The following DMD variants were observed in gnomAD, a reference collection of about 807,000 sequenced individuals.
The protein encoded by DMD is dystrophin, also known as mutant dystrophin.
A neutral mutation model predicts 330.1 loss-of-function variants in DMD; 63 were observed. The observed-to-expected ratio is 0.19, with a 90% CI of 0.16 to 0.24. The LOEUF (loss-of-function observed/expected upper bound fraction) is 0.24. Ranked by LOEUF, DMD falls within the 10% of genes least tolerant of loss-of-function variation. The pLI is 1.00. For synonymous variants in DMD, 1,223 were observed against 959.8 expected, an observed-to-expected ratio of 1.27 and a Z score of -5.07; for missense variants, 3,344 against 2,684.1, an observed-to-expected ratio of 1.25 and a Z score of -5.43.
intron 71 of DMD, among the ~76,000 whole-genome samples, chrX:31,177,222 G>T (rs1324354456): frequency 9.0e-6 from 1 of 111,313 alleles, no homozygotes; most frequent in African/African-American, 3.3e-5. Context: ...TAAATCATCT[G>T]CTGGTATCTA....
intron 2 of DMD, among the ~76,000 whole-genome samples, chrX:32,949,140 A>C (rs971822933): frequency 9.1e-6 from 1 of 110,403 alleles, no homozygotes; most frequent in African/African-American, 3.3e-5. Flanking sequence ...TAATACTAAA[A>C]CTACACCCAT....
In DMD at chrX:31,875,265, G is replaced by T; in HGVS notation, c.7021C>A (p.Leu2341Met). The change falls in exon 48 of 79, where the codon CTG becomes ATG. Residue 2341 changes from leucine (L) to methionine (M), a missense_variant. Transcript: ENST00000357033. ...EDLEEQLNHL[L>M]LWLSPIRNQL... Reference sequence around the variant, plus strand: ...TTCCTAATAGGAGATAACCACAGCAGCAGATGATTTAACTGCTCTTCAAGG... The same window carrying T: ...TTCCTAATAGGAGATAACCACAGCATCAGATGATTTAACTGCTCTTCAAGG... 8.5e-7 allele frequency: 1 copy of T among 1,179,784 alleles called. No homozygotes were observed. Among genetic ancestry groups the T allele is most frequent in the Non-Finnish European group, 1.1e-6 (1 of 875,031 alleles).
At chrX:31,658,252 A>T in intron 53 of DMD, 108 bp from the exon 54 acceptor site, 1 of 873,254 alleles carries the variant, frequency 1.1e-6, no homozygotes, top group African/African-American at 2.0e-5. Flanking sequence ...TCAGGTCAGA[A>T]TACATATATT....
chrX:31,939,926 G>A (rs2094972057), intron 45 of DMD, among the ~76,000 whole-genome samples: 1 of 111,522 alleles, frequency 9.0e-6, no homozygotes, highest in South Asian at 3.7e-4. Context: ...GTCAATCTAT[G>A]AGTAAATGTG....
At chrX:32,644,927 CAT>C (rs760230793) in intron 10 of DMD, 35 bp downstream of exon 10, 2 of 1,186,155 alleles carry the variant, frequency 1.7e-6, no homozygotes, top group Admixed American at 2.2e-5. Context: ...TATAACAAGT[CAT>C]ATGTTTTGTT....
chrX:33,129,764 T>TAA (rs1195406468), intron 1 of DMD, among the ~76,000 whole-genome samples: 1 of 111,354 alleles, frequency 9.0e-6, no homozygotes, highest in Non-Finnish European at 1.9e-5. Context: ...ACAGAAGAAC[T>TAA]AAAGAAACCT....
At chrX:32,833,172 C>G (rs1364180180) in intron 4 of DMD, among the ~76,000 whole-genome samples, 1 of 111,121 alleles carries the variant, frequency 9.0e-6, no homozygotes, top group Non-Finnish European at 1.9e-5. Context: ...GTTAAATTTC[C>G]TCTATATTTC....
At chrX:31,967,152 G>C (rs1266368860) in intron 45 of DMD, among the ~76,000 whole-genome samples, 1 of 110,377 alleles carries the variant, frequency 9.1e-6, no homozygotes, top group Non-Finnish European at 1.9e-5. Context: ...TGGGAAAAAA[G>C]TATATGACTT....
At chrX:32,859,722 C>G (rs2081931696) in intron 2 of DMD, among the ~76,000 whole-genome samples, 1 of 111,229 alleles carries the variant, frequency 9.0e-6, no homozygotes, top group Non-Finnish European at 1.9e-5. Context: ...GTTCTTTTGA[C>G]TATTTTTAAG....
At chrX:32,683,929 G>C (rs1379119676) in intron 9 of DMD, among the ~76,000 whole-genome samples, 2 of 108,359 alleles carry the variant, frequency 1.8e-5, no homozygotes, top group African/African-American at 3.4e-5. Flanking sequence ...AAAATAGTAA[G>C]TTGTTAAATT....
intron 51 of DMD, among the ~76,000 whole-genome samples, chrX:31,735,625 G>A (rs1399187535): frequency 8.9e-6 from 1 of 112,162 alleles, no homozygotes; most frequent in African/African-American, 3.2e-5. Context: ...TTATTTCCAA[G>A]GAGCGCAGAA....
intron 44 of DMD, among the ~76,000 whole-genome samples, chrX:32,172,655 T>A (rs868218961): frequency 8.9e-6 from 1 of 111,771 alleles, no homozygotes; most frequent in African/African-American, 3.3e-5. Context: ...ATTTTAGACT[T>A]ATACTCTATA....
intron 1 of DMD, among the ~76,000 whole-genome samples, chrX:33,169,456 T>C (rs1383789929): frequency 9.0e-6 from 1 of 111,344 alleles, no homozygotes; most frequent in East Asian, 2.8e-4. Context: ...AGACAGATGC[T>C]CCCTTCCAGC....
chrX:32,826,011 C>A (rs1210504063), intron 4 of DMD, among the ~76,000 whole-genome samples: 1 of 110,857 alleles, frequency 9.0e-6, no homozygotes, highest in Non-Finnish European at 1.9e-5. Context: ...AAAAATGATA[C>A]CTCAAACCCT....
chrX:32,353,682 T>G (rs1175938805), intron 37 of DMD, among the ~76,000 whole-genome samples: 1 of 111,296 alleles, frequency 9.0e-6, no homozygotes. Context: ...TTTGGACACT[T>G]TTAATTTTTT....
chrX:32,426,052 C>T (rs2098211554), intron 29 of DMD, among the ~76,000 whole-genome samples: 1 of 111,587 alleles, frequency 9.0e-6, no homozygotes, highest in Admixed American at 9.5e-5. Context: ...GCAATACCAT[C>T]CTGGACATAG....
chrX:31,634,264 C>T (rs763648638), intron 54 of DMD, among the ~76,000 whole-genome samples: 1 of 111,753 alleles, frequency 8.9e-6, no homozygotes, highest in South Asian at 3.7e-4. Flanking sequence ...TGCCGTTCAC[C>T]AACATATGAA....
chrX:31,817,971 C>T (rs766654591), intron 50 of DMD, among the ~76,000 whole-genome samples: 148 of 111,916 alleles, frequency 1.3e-3, no homozygotes, highest in African/African-American at 4.7e-3. Flanking sequence ...AGACAAGCTT[C>T]CCTGACCACA....
At chrX:31,616,197 A>C (rs2078189496) in intron 55 of DMD, among the ~76,000 whole-genome samples, 1 of 111,991 alleles carries the variant, frequency 8.9e-6, no homozygotes, top group African/African-American at 3.2e-5. Context: ...AACGTCATTT[A>C]AAGTGCAGAG....
Sources: allele counts gnomAD v4.1 joint callset (sites outside exome capture counted in the v4.1 genomes callset), GRCh38; gene constraint gnomAD v4.1.1; transcripts MANE v1.5; gene names NCBI Gene and HGNC (gene_info 2026-07-23, HGNC 2026-07-21).